PLCG2: variants seen among roughly 807,000 people sequenced by gnomAD.
PLCG2 encodes 1-phosphatidylinositol 4,5-bisphosphate phosphodiesterase gamma-2.
In PLCG2, 69 loss-of-function variants were observed where a neutral mutation model predicts 175.6. That is an observed-to-expected ratio of 0.39 (90% CI 0.32 to 0.48). PLCG2 has a LOEUF of 0.48. Ranked by LOEUF, PLCG2 falls within the 20% of genes least tolerant of loss-of-function variation. The pLI, the probability that PLCG2 is intolerant of heterozygous loss-of-function variation, is 0.91. For missense variants in PLCG2, 1,798 were observed against 1,650.9 expected, an observed-to-expected ratio of 1.09 and a Z score of -1.54; for synonymous variants, 827 against 624.0, an observed-to-expected ratio of 1.33 and a Z score of -4.85.
At chr16:81,871,209 T>G (rs1752048484) in intron 7 of PLCG2, among the ~76,000 whole-genome samples, 4 of 152,230 alleles carry the variant, frequency 2.6e-5, no homozygotes, top group Admixed American at 2.0e-4. Flanking sequence ...GAATTTGATC[T>G]GAGTCTGTTA....
intron 2 of PLCG2, among the ~76,000 whole-genome samples, chr16:81,802,214 A>C (rs1911759707): frequency 7.1e-6 from 1 of 140,818 alleles, no homozygotes; most frequent in Non-Finnish European, 1.5e-5. Context: ...CCGGGTTCAC[A>C]CCATTCTCTT....
At chr16:81,924,998 C>T (rs1910205089) in intron 22 of PLCG2, among the ~76,000 whole-genome samples, 1 of 152,250 alleles carries the variant, frequency 6.6e-6, no homozygotes, top group Admixed American at 6.5e-5. Flanking sequence ...TGGTCAACAT[C>T]CTGGTGCGCA....
chr16:81,802,972 A>G (rs748305463), intron 2 of PLCG2, among the ~76,000 whole-genome samples: 4 of 152,202 alleles, frequency 2.6e-5, no homozygotes, highest in Non-Finnish European at 4.4e-5. Context: ...AGAATGTTTC[A>G]TAATTTCCCC....
chr16:81,891,035 C>T (rs1256277009), intron 10 of PLCG2, among the ~76,000 whole-genome samples: 9 of 151,928 alleles, frequency 5.9e-5, no homozygotes, highest in African/African-American at 1.7e-4. Context: ...TGGTGGTGCA[C>T]GCCTGTTATC....
intron 7 of PLCG2, among the ~76,000 whole-genome samples, chr16:81,875,699 C>T (rs1315619175): frequency 6.6e-6 from 1 of 152,206 alleles, no homozygotes; most frequent in Non-Finnish European, 1.5e-5. Flanking sequence ...ACCTCCTGAT[C>T]AAACCTGTGA....
chr16:81,869,461 A>G (rs961014939), intron 6 of PLCG2, among the ~76,000 whole-genome samples, 163 bp downstream of exon 6: 8 of 152,184 alleles, frequency 5.3e-5, no homozygotes, highest in African/African-American at 1.9e-4. Flanking sequence ...GACATATCTG[A>G]GGACCATCGT....
intron 2 of PLCG2, among the ~76,000 whole-genome samples, chr16:81,832,677 T>A (rs2143391508): frequency 6.6e-6 from 1 of 152,390 alleles, no homozygotes; most frequent in African/African-American, 2.4e-5. Flanking sequence ...GTGCTGGGAT[T>A]ACAGGCATGA....
At chr16:81,832,806 C>T (rs1019126627) in intron 2 of PLCG2, among the ~76,000 whole-genome samples, 2 of 152,198 alleles carry the variant, frequency 1.3e-5, no homozygotes, top group African/African-American at 4.8e-5. Flanking sequence ...GAGGCAGAGG[C>T]CTGCCATCCT....
At chr16:81,901,685 C>T (rs796105621) in intron 14 of PLCG2, among the ~76,000 whole-genome samples, 9 of 152,334 alleles carry the variant, frequency 5.9e-5, no homozygotes, top group African/African-American at 2.2e-4. Flanking sequence ...GCTCTGTCAC[C>T]AGCAGAAGTC....
intron 2 of PLCG2, among the ~76,000 whole-genome samples, chr16:81,816,755 G>C (rs936767446): frequency 1.5e-5 from 2 of 133,068 alleles, no homozygotes; most frequent in African/African-American, 2.8e-5. Flanking sequence ...TCGCATTTCA[G>C]CCTCCCAAAA....
At chr16:81,793,015 A>T (rs918227638) in intron 2 of PLCG2, among the ~76,000 whole-genome samples, 1 of 152,204 alleles carries the variant, frequency 6.6e-6, no homozygotes, top group Non-Finnish European at 1.5e-5. Context: ...TCTTTTTAAG[A>T]TGTGGGAAAT....
In PLCG2 at chr16:81,958,976, T is replaced by G. The variant is rs568296421; in HGVS notation, c.*978T>G. 1 of 223,424 alleles carries G rather than the reference T, an allele frequency of 4.5e-6. No homozygotes were observed. Among genetic ancestry groups the G allele is most frequent in the Non-Finnish European group, 8.9e-6 (1 of 111,926 alleles). The allele number at this position is 223,424 out of a possible 1,614,324, so 13.8% of individuals were successfully genotyped here. A position where few individuals can be genotyped will look rare whatever the true frequency, so the allele number is the denominator to read the frequency against. On this transcript the variant is annotated 3_prime_UTR_variant, in exon 33 of 33. Transcript: ENST00000564138. Reference sequence around the variant, plus strand: ...TTAGGGTGTTACAGAAAATTTCAAATGCAGCCATCTCCCTTGGGGCAGATC... The same window carrying G: ...TTAGGGTGTTACAGAAAATTTCAAAGGCAGCCATCTCCCTTGGGGCAGATC...
At position 81,883,372 on chromosome 16, in the gene PLCG2, G is replaced by A; in HGVS notation, c.765+31G>A. ...AGCACAAGGTGTGTGGGTGCCTGAG[G>A]GAGCTGGCGGGATGCTGCTGGGGAC... On this transcript the variant is annotated intron_variant, in intron 9 of 32. Transcript: ENST00000564138. 2.6e-6 allele frequency: 4 copies of A among 1,566,534 alleles called. No homozygotes were observed. The South Asian group carries it at 4.4e-5, about 17-fold the overall frequency.
intron 25 of PLCG2, among the ~76,000 whole-genome samples, 162 bp from the exon 26 acceptor site, chr16:81,934,267 C>T (rs1410833587): frequency 2.0e-5 from 3 of 151,916 alleles, no homozygotes; most frequent in Non-Finnish European, 4.4e-5. Flanking sequence ...GAGGAAGAAA[C>T]GAGAGGGGCA....
intron 7 of PLCG2, among the ~76,000 whole-genome samples, chr16:81,872,193 T>C (rs1907548224): frequency 6.6e-6 from 1 of 152,050 alleles, no homozygotes; most frequent in Non-Finnish European, 1.5e-5. Flanking sequence ...CCAGGCATGG[T>C]GGTGTGCACC....
At chr16:81,834,383 G>C (rs933756491) in intron 2 of PLCG2, among the ~76,000 whole-genome samples, 1 of 152,176 alleles carries the variant, frequency 6.6e-6, no homozygotes, top group African/African-American at 2.4e-5. Context: ...TAGCCCAGGA[G>C]CCGGCGCGGG....
rs369732261 is a variant in PLCG2, at chr16:81,895,850, T to C, written c.1116T>C (p.His372=). 187 of 1,613,992 alleles carry C rather than the reference T, an allele frequency of 1.2e-4. No homozygotes were observed. Among genetic ancestry groups the C allele is most frequent in the Non-Finnish European group, 1.5e-4 (178 of 1,180,010 alleles). ...CCGATGGGAAGCCGGTCATCTACCATGGCTGGACGCGGACTACCAAGATCA... is the reference window on the plus strand; with the variant it reads ...CCGATGGGAAGCCGGTCATCTACCACGGCTGGACGCGGACTACCAAGATCA... The part of the protein sequence containing the change: ...DGPDGKPVIY[H]GWTRTTKIKF... Residue 372 remains histidine, a synonymous_variant, in exon 13 of 33, where the codon CAT becomes CAC. Transcript: ENST00000564138.
At chr16:81,791,536 A>T (rs1911231387) in intron 2 of PLCG2, among the ~76,000 whole-genome samples, 1 of 152,166 alleles carries the variant, frequency 6.6e-6, no homozygotes, top group African/African-American at 2.4e-5. Flanking sequence ...CTTAGTGGTG[A>T]TGGCTGGAAG....
At chr16:81,884,039 C>G (rs542238227) in intron 9 of PLCG2, among the ~76,000 whole-genome samples, 2 of 152,292 alleles carry the variant, frequency 1.3e-5, no homozygotes, top group Admixed American at 1.3e-4. Context: ...CAGGGCAGCC[C>G]CCCCTACCCC....
Sources: allele counts gnomAD v4.1 joint callset (sites outside exome capture counted in the v4.1 genomes callset), GRCh38; gene constraint gnomAD v4.1.1; transcripts MANE v1.5; gene names NCBI Gene and HGNC (gene_info 2026-07-23, HGNC 2026-07-21).